The following VWA3B variants were observed in gnomAD, a reference collection of about 807,000 sequenced individuals.
The protein encoded by VWA3B is von Willebrand factor A domain containing 3B.
VWA3B carries 138 observed loss-of-function variants against 158.3 expected under a neutral mutation model. The ratio of observed to expected loss-of-function variants is 0.87; its 90% confidence interval spans 0.76 to 1.00. The LOEUF (loss-of-function observed/expected upper bound fraction) is 1.00. VWA3B is among the 50% of genes least tolerant of loss of function. The pLI is 0.00. For missense variants in VWA3B, 1,555 were observed against 1,565.1 expected (o/e 0.99, Z 0.11); for synonymous variants, 596 against 587.3 (o/e 1.01, Z -0.21).
In VWA3B at chr2:98,152,137, A is replaced by AG. The variant is rs150230806; in HGVS notation, c.989-10712dup. Among the ~76,000 whole-genome samples, 454 of 152,358 alleles carry AG rather than the reference A, an allele frequency of 3.0e-3. 3 individuals are homozygous for AG. Among genetic ancestry groups the AG allele is most frequent in the African/African-American group, 1.0e-2 (414 of 41,584 alleles). ...CGCAGGGGCCTTTCTAGAGGAAATC[A>AG]GGAGTGCCTGTCCTTCCTCTACCAC... On this transcript the variant is annotated intron_variant, in intron 7 of 27. Coordinates refer to ENST00000477737, the MANE Select transcript of VWA3B (RefSeq NM_144992.5).
intron 26 of VWA3B, among the ~76,000 whole-genome samples, chr2:98,309,502 C>A (rs1282030968): frequency 2.6e-5 from 4 of 152,168 alleles, no homozygotes; most frequent in Non-Finnish European, 5.9e-5. Context: ...TCCTGTTACA[C>A]AAAATATTAG....
At chr2:98,171,221 C>T (rs1679556798) in intron 8 of VWA3B, among the ~76,000 whole-genome samples, 1 of 152,124 alleles carries the variant, frequency 6.6e-6, no homozygotes, top group Non-Finnish European at 1.5e-5. Flanking sequence ...AACGGGCCCT[C>T]ATAAAGCAGG....
In VWA3B at chr2:98,303,783, A is replaced by G. The variant is rs1558779829; in HGVS notation, c.3502A>G (p.Ile1168Val). The part of the protein sequence containing the change: ...LSCSHIKSPP[I>V]PEDPEVEDVE... Reference sequence around the variant, plus strand: ...TTGCTCTCATATAAAGTCACCCCCAATTCCTGAGGATCCAGAAGTGTAAGT... The same window carrying G: ...TTGCTCTCATATAAAGTCACCCCCAGTTCCTGAGGATCCAGAAGTGTAAGT... Residue 1168 changes from isoleucine (I) to valine (V), a missense_variant, in exon 26 of 28, where the codon ATT (isoleucine) becomes GTT (valine). By Grantham distance (29) the Ile-to-Val change is conservative (BLOSUM62 3). Coordinates refer to ENST00000477737, the MANE Select transcript of VWA3B (RefSeq NM_144992.5). 1.9e-6 allele frequency: 3 copies of G among 1,614,128 alleles called. No individual in the cohort carries two copies. Among genetic ancestry groups the G allele is most frequent in the Admixed American group, 1.7e-5 (1 of 60,020 alleles).
chr2:98,138,261 C>T (rs1186391466), intron 7 of VWA3B, among the ~76,000 whole-genome samples: 1 of 152,192 alleles, frequency 6.6e-6, no homozygotes, highest in Non-Finnish European at 1.5e-5. Context: ...CCTTCCGTGG[C>T]CAGTGTCTCC....
intron 6 of VWA3B, among the ~76,000 whole-genome samples, chr2:98,128,948 G>A (rs927751210): frequency 6.6e-6 from 1 of 152,238 alleles, no homozygotes; most frequent in African/African-American, 2.4e-5. Flanking sequence ...CGGCTGAGCC[G>A]GTGCTTCCCT....
chr2:98,131,558 T>G (rs1344504814), intron 6 of VWA3B, among the ~76,000 whole-genome samples: 1 of 152,208 alleles, frequency 6.6e-6, no homozygotes, highest in Non-Finnish European at 1.5e-5. Context: ...TAATTTACAT[T>G]CCCACCAACA....
In VWA3B at chr2:98,312,641, T is replaced by A; in HGVS notation, c.*292T>A. 1 of 340,254 alleles carries A rather than the reference T, an allele frequency of 2.9e-6. No individual in the cohort carries two copies. The highest frequency in any genetic ancestry group is 5.4e-6 in the Non-Finnish European group (1 of 186,914). 21.1% of individuals were successfully genotyped at this position (340,254 alleles called of 1,614,324 possible). On this transcript the variant is annotated 3_prime_UTR_variant, in exon 28 of 28. Coordinates refer to ENST00000477737, the MANE Select transcript of VWA3B (RefSeq NM_144992.5). The stretch of plus-strand genomic sequence containing the variant: ...CGCCCCACCCCCAGAAGTTTTAACC[T>A]GAAGGATGACTGTCACAGGACTTTC...
chr2:98,221,639 A>C (rs1003831199), intron 14 of VWA3B, among the ~76,000 whole-genome samples: 13 of 152,192 alleles, frequency 8.5e-5, no homozygotes, highest in African/African-American at 2.9e-4. Context: ...TGGAAAGCTC[A>C]TTCTCCTTCT....
At position 98,284,948 on chromosome 2, in the gene VWA3B, CTCATTCAG is replaced by C. The variant is rs372619021; in HGVS notation, c.3046-5552_3046-5545del. On this transcript the variant is annotated intron_variant, in intron 22 of 27. Coordinates refer to ENST00000477737, the MANE Select transcript of VWA3B (RefSeq NM_144992.5). ...GTAGATGGATTCGGAAGCTCCTGTACTCATTCAGTCATTCAGTCCACTACAGTATATGC... is the reference window on the plus strand; with the variant it reads ...GTAGATGGATTCGGAAGCTCCTGTACTCATTCAGTCCACTACAGTATATGC... Among the ~76,000 whole-genome samples, 111 of 152,234 alleles carry C rather than the reference CTCATTCAG, an allele frequency of 7.3e-4. 1 individual carries two copies. The highest frequency in any genetic ancestry group is 2.5e-3 in the African/African-American group (105 of 41,548).
At chr2:98,112,310 G>T (rs943144267) in intron 2 of VWA3B, among the ~76,000 whole-genome samples, 1 of 151,692 alleles carries the variant, frequency 6.6e-6, no homozygotes, top group Non-Finnish European at 1.5e-5. Context: ...GTGGGTGTGT[G>T]TGTGTGTGTG....
At chr2:98,301,394 C>G (rs906989608) in intron 25 of VWA3B, among the ~76,000 whole-genome samples, 1 of 151,622 alleles carries the variant, frequency 6.6e-6, no homozygotes, top group African/African-American at 2.4e-5. Flanking sequence ...TGCTTCACCC[C>G]CTGAGACTCA....
At chr2:98,249,443 G>A (rs1183577018) in intron 19 of VWA3B, among the ~76,000 whole-genome samples, 1 of 152,178 alleles carries the variant, frequency 6.6e-6, no homozygotes, top group Non-Finnish European at 1.5e-5. Flanking sequence ...TTCTAGAGAA[G>A]ATGAGGTAAG....
chr2:98,257,242 A>G (rs906200664), intron 21 of VWA3B, among the ~76,000 whole-genome samples: 1 of 152,034 alleles, frequency 6.6e-6, no homozygotes, highest in Non-Finnish European at 1.5e-5. Flanking sequence ...ACTTAATATC[A>G]TGACCTCCAA....
At chr2:98,265,445 G>A (rs1687750786) in intron 21 of VWA3B, among the ~76,000 whole-genome samples, 1 of 151,978 alleles carries the variant, frequency 6.6e-6, no homozygotes, top group South Asian at 2.1e-4. Context: ...GTCTATCATT[G>A]ATGGACATTT....
chr2:98,115,384 G>A (rs913642364), intron 2 of VWA3B, among the ~76,000 whole-genome samples: 6 of 152,102 alleles, frequency 3.9e-5, no homozygotes, highest in African/African-American at 1.4e-4. Flanking sequence ...CATGTCACAT[G>A]TATACATATG....
intron 10 of VWA3B, among the ~76,000 whole-genome samples, chr2:98,191,657 C>T (rs1375543836): frequency 6.6e-6 from 1 of 152,124 alleles, no homozygotes; most frequent in Admixed American, 6.5e-5. Flanking sequence ...AGATGAACTA[C>T]TCCTAGCCAT....
intron 2 of VWA3B, among the ~76,000 whole-genome samples, chr2:98,095,356 G>C (rs1184486152): frequency 6.6e-6 from 1 of 151,996 alleles, no homozygotes; most frequent in Non-Finnish European, 1.5e-5. Context: ...TTATTCCTAA[G>C]TACTTTATTT....
chr2:98,194,490 A>AGTTGG lies in VWA3B; in HGVS notation c.1735_1736insGTTGG (p.Lys579SerfsTer11), dbSNP rs767114118. 1 of 1,613,736 alleles carries AGTTGG rather than the reference A, an allele frequency of 6.2e-7. No individual in the cohort carries two copies. Among genetic ancestry groups the AGTTGG allele is most frequent in the Non-Finnish European group, 8.5e-7 (1 of 1,179,746 alleles). Reference sequence around the variant, plus strand: ...GGCTCAGTCCTGGATTAGAGACATAAAGGTAAGTTGGAGACTAAGCTGGGA... The same window carrying AGTTGG: ...GGCTCAGTCCTGGATTAGAGACATAAGTTGGAGGTAAGTTGGAGACTAAGCTGGGA... On this transcript the variant is annotated frameshift_variant and splice_region_variant, in exon 12 of 28. Coordinates refer to ENST00000477737, the MANE Select transcript of VWA3B (RefSeq NM_144992.5). LOFTEE classifies it high-confidence loss of function.
At chr2:98,192,825 GT>G in intron 10 of VWA3B, 72 bp from the exon 11 acceptor site, 1 of 1,602,594 alleles carries the variant, frequency 6.2e-7, no homozygotes, top group South Asian at 1.1e-5. Flanking sequence ...CAGATGCATC[GT>G]TAAGTTCTTG....
Sources: gnomAD v4.1 joint callset for allele counts (sites outside exome capture counted in the v4.1 genomes callset) on GRCh38, gnomAD v4.1.1 for gene constraint, MANE v1.5 for transcripts, NCBI Gene and HGNC (gene_info 2026-07-23, HGNC 2026-07-21) for gene names.